The following TSPAN14 variants were observed in gnomAD, a reference collection of about 807,000 sequenced individuals.
The protein encoded by TSPAN14 is tetraspanin-14.
TSPAN14 carries 16 observed loss-of-function variants against 36.6 expected under a neutral mutation model. The ratio of observed to expected loss-of-function variants is 0.44; its 90% confidence interval spans 0.30 to 0.66. TSPAN14 has a LOEUF of 0.66. Ranked by LOEUF, TSPAN14 falls within the 30% of genes least tolerant of loss-of-function variation. The pLI is 0.12. For missense variants in TSPAN14, 231 were observed against 355.1 expected (o/e 0.65, Z 2.81); for synonymous variants, 139 against 143.8 (o/e 0.97, Z 0.24).
intron 8 of TSPAN14, 49 bp downstream of exon 8, chr10:80,516,372 A>C: frequency 6.2e-7 from 1 of 1,612,438 alleles, no homozygotes; most frequent in South Asian, 1.1e-5. Context: ...TTTTCATTTG[A>C]GATTGGGCCC....
At chr10:80,503,262 G>A (rs1482331710) in intron 2 of TSPAN14, among the ~76,000 whole-genome samples, 1 of 152,150 alleles carries the variant, frequency 6.6e-6, no homozygotes, top group Non-Finnish European at 1.5e-5. Context: ...TCAGTTCAGG[G>A]GGAGGACTGA....
At chr10:80,477,674 T>C in intron 1 of TSPAN14, among the ~76,000 whole-genome samples, 1 of 152,184 alleles carries the variant, frequency 6.6e-6, no homozygotes, top group East Asian at 1.9e-4. Context: ...TTCCATCCCT[T>C]CCTTTCCTTC....
intron 5 of TSPAN14, among the ~76,000 whole-genome samples, chr10:80,511,800 TTCTC>T (rs545792974): frequency 1.7e-4 from 24 of 138,942 alleles, no homozygotes; most frequent in African/African-American, 4.7e-4. Context: ...CCTTTTCTCT[TTCTC>T]TCTCTCTTTC....
At chr10:80,497,622 G>A (rs1298134889) in intron 2 of TSPAN14, among the ~76,000 whole-genome samples, 2 of 152,132 alleles carry the variant, frequency 1.3e-5, no homozygotes, top group African/African-American at 4.8e-5. Context: ...TTAGGTTGGG[G>A]GGTTCCCTCT....
intron 2 of TSPAN14, among the ~76,000 whole-genome samples, chr10:80,497,990 A>G (rs1003651610): frequency 6.6e-6 from 1 of 152,156 alleles, no homozygotes; most frequent in Non-Finnish European, 1.5e-5. Flanking sequence ...GAGCCCTAGC[A>G]TCCCTTCTGG....
At chr10:80,499,861 C>T (rs767178826) in intron 2 of TSPAN14, among the ~76,000 whole-genome samples, 4 of 152,124 alleles carry the variant, frequency 2.6e-5, no homozygotes, top group Admixed American at 6.5e-5. Flanking sequence ...CAAGCTGGGC[C>T]GGAGCTGGGC....
rs544168804 is a variant in TSPAN14, at chr10:80,520,970, A to C, written c.*2994A>C. ...GCCTCCGGGGAATCCCACTACCCAC[A>C]GGGCAGGGCTGTGGGCTGGGCTGAA... On this transcript the variant is annotated 3_prime_UTR_variant, in exon 9 of 9. Transcript: ENST00000429989. 3 of 421,328 alleles carry C rather than the reference A, an allele frequency of 7.1e-6. No individual in the cohort carries two copies. In the East Asian group the frequency reaches 1.8e-4, roughly 25 times the overall value. The allele number at this position is 421,328 out of a possible 1,614,324, so 26.1% of individuals were successfully genotyped here. A position where few individuals can be genotyped will look rare whatever the true frequency, so the allele number is the denominator to read the frequency against.
intron 1 of TSPAN14, among the ~76,000 whole-genome samples, chr10:80,467,181 T>C (rs968244034): frequency 6.6e-6 from 1 of 152,178 alleles, no homozygotes; most frequent in Admixed American, 6.5e-5. Context: ...AGTTTTTGTG[T>C]CTAAATCCCA....
intron 1 of TSPAN14, among the ~76,000 whole-genome samples, chr10:80,470,858 A>G (rs924606257): frequency 3.3e-5 from 5 of 152,060 alleles, no homozygotes; most frequent in Admixed American, 3.3e-4. Flanking sequence ...GGAGCTGGGG[A>G]TGCACTGAAG....
intron 1 of TSPAN14, chr10:80,468,583 C>G (rs1342400560): frequency 1.3e-5 from 2 of 152,204 alleles, no homozygotes; most frequent in African/African-American, 4.8e-5. Context: ...CATCCACAGA[C>G]CTGCTGATGG....
intron 2 of TSPAN14, among the ~76,000 whole-genome samples, chr10:80,501,188 C>T (rs1409145924): frequency 6.6e-6 from 1 of 151,770 alleles, no homozygotes; most frequent in Non-Finnish European, 1.5e-5. Context: ...GCAATCTCAC[C>T]CTTGACCTCC....
exon 9 of TSPAN14, chr10:80,520,406 C>T (rs962931698): frequency 1.5e-5 from 6 of 407,924 alleles, no homozygotes; most frequent in Admixed American, 6.0e-5. Flanking sequence ...CGCCCAGCAT[C>T]GGCTGTCCGC....
intron 2 of TSPAN14, among the ~76,000 whole-genome samples, chr10:80,503,016 A>C (rs1848607317): frequency 6.6e-6 from 1 of 151,828 alleles, no homozygotes; most frequent in South Asian, 2.1e-4. Flanking sequence ...AGGAGGAGAG[A>C]ATGACCAGCT....
At chr10:80,511,866 G>T (rs1029207371) in intron 5 of TSPAN14, among the ~76,000 whole-genome samples, 4 of 149,400 alleles carry the variant, frequency 2.7e-5, no homozygotes, top group African/African-American at 9.9e-5. Context: ...GCCCAGACTT[G>T]TTTCCAACTC....
chr10:80,498,738 C>T (rs1236844418), intron 2 of TSPAN14, among the ~76,000 whole-genome samples: 1 of 152,246 alleles, frequency 6.6e-6, no homozygotes, highest in East Asian at 1.9e-4. Context: ...TTGAGACTGG[C>T]TCTGTGCCTG....
chr10:80,483,496 C>T (rs967151855), intron 1 of TSPAN14, among the ~76,000 whole-genome samples: 20 of 152,052 alleles, frequency 1.3e-4, no homozygotes, highest in African/African-American at 4.8e-4. Context: ...AGGGTGTGAC[C>T]TTTTTTTGGG....
At chr10:80,502,401 T>A (rs927269224) in intron 2 of TSPAN14, among the ~76,000 whole-genome samples, 2 of 152,168 alleles carry the variant, frequency 1.3e-5, no homozygotes, top group Non-Finnish European at 2.9e-5. Context: ...TCAGTCTTGT[T>A]GCTTGGACCA....
intron 2 of TSPAN14, among the ~76,000 whole-genome samples, chr10:80,497,400 A>G (rs148170891): frequency 5.7e-4 from 87 of 152,318 alleles, no homozygotes; most frequent in African/African-American, 1.9e-3. Flanking sequence ...TTTTACACAT[A>G]CAATTTTATT....
chr10:80,487,695 T>C (rs1372413296), intron 1 of TSPAN14, among the ~76,000 whole-genome samples: 2 of 152,030 alleles, frequency 1.3e-5, no homozygotes, highest in Non-Finnish European at 2.9e-5. Flanking sequence ...ACACTCATTC[T>C]TGGAGGCAAG....
Sources: allele counts gnomAD v4.1 joint callset (sites outside exome capture counted in the v4.1 genomes callset), GRCh38; gene constraint gnomAD v4.1.1; transcripts MANE v1.5; gene names NCBI Gene and HGNC (gene_info 2026-07-23, HGNC 2026-07-21).